Variants in ULK4 observed in about 807,000 individuals in gnomAD.
ULK4 encodes inactive serine/threonine-protein kinase ULK4.
A neutral mutation model predicts 160.6 loss-of-function variants in ULK4; 133 were observed. The observed-to-expected ratio is 0.83, with a 90% CI of 0.72 to 0.96. The LOEUF is 0.96. ULK4 is among the 40% of genes least tolerant of loss of function. The probability of loss-of-function intolerance (pLI) is 0.00; values close to 1 mark genes in which losing one functional copy is unlikely to be tolerated. For missense variants in ULK4, 1,580 were observed against 1,499.5 expected (o/e 1.05, Z -0.89); for synonymous variants, 534 against 539.8 (o/e 0.99, Z 0.15).
intron 32 of ULK4, among the ~76,000 whole-genome samples, chr3:41,472,947 G>A (rs2084030484): frequency 6.6e-6 from 1 of 152,032 alleles, no homozygotes; most frequent in Non-Finnish European, 1.5e-5. Context: ...ATTTATCTCT[G>A]GCATGCAAGG....
intron 27 of ULK4, among the ~76,000 whole-genome samples, chr3:41,686,383 G>T (rs1342858368): frequency 6.6e-6 from 1 of 152,212 alleles, no homozygotes; most frequent in African/African-American, 2.4e-5. Context: ...TATTGTCATT[G>T]CTGTTGCCTT....
chr3:41,829,894 C>A (rs1263749522), intron 18 of ULK4, among the ~76,000 whole-genome samples: 1 of 150,222 alleles, frequency 6.7e-6, no homozygotes, highest in African/African-American at 2.5e-5. Flanking sequence ...TTGGAACCAA[C>A]CCAGATGTCC....
rs1198894983 is a variant in ULK4 at position 41,779,857 on chromosome 3, G to A, written c.2193+9804C>T. Among the ~76,000 whole-genome samples the A allele has an allele frequency of 3.3e-4, 28 of 85,798 alleles. 1 individual carries two copies. Among genetic ancestry groups the A allele is most frequent in the African/African-American group, 1.3e-3 (27 of 20,080 alleles). The allele number at this position is 85,798 out of a possible 152,430, so 56.3% of individuals were successfully genotyped here. A position where few individuals can be genotyped will look rare whatever the true frequency, so the allele number is the denominator to read the frequency against. ...TGGTGTGGTCGGGGGAGGGGGGAGGGATAGCATTGGGAGATATACCTAATG... is the reference window on the plus strand; with the variant it reads ...TGGTGTGGTCGGGGGAGGGGGGAGGAATAGCATTGGGAGATATACCTAATG... On this transcript the variant is annotated intron_variant, in intron 21 of 36. Transcript: ENST00000301831.
intron 19 of ULK4, among the ~76,000 whole-genome samples, chr3:41,813,363 A>G (rs1411873867): frequency 1.3e-5 from 2 of 152,162 alleles, no homozygotes; most frequent in African/African-American, 4.8e-5. Context: ...TATTATTCAT[A>G]TTTTCTTAAT....
chr3:41,685,415 C>A (rs914467648), intron 27 of ULK4, among the ~76,000 whole-genome samples: 3 of 152,208 alleles, frequency 2.0e-5, no homozygotes. Flanking sequence ...CATACCACTA[C>A]CTCACTGATG....
chr3:41,915,024 T>C (rs1209574939), intron 8 of ULK4, among the ~76,000 whole-genome samples: 5 of 152,162 alleles, frequency 3.3e-5, no homozygotes, highest in Admixed American at 1.3e-4. Flanking sequence ...TGGAAAAATA[T>C]GCATAATGTA....
intron 35 of ULK4, among the ~76,000 whole-genome samples, chr3:41,339,926 C>T (rs148343347): frequency 7.1e-4 from 108 of 152,190 alleles, no homozygotes; most frequent in African/African-American, 2.2e-3. Context: ...TTTGTAGAGG[C>T]GCTTGTTACA....
intron 5 of ULK4, among the ~76,000 whole-genome samples, chr3:41,926,635 CA>C (rs1410205904): frequency 6.7e-6 from 1 of 149,832 alleles, no homozygotes; most frequent in Admixed American, 6.6e-5. Flanking sequence ...CGAGAATAAC[CA>C]GTTTAGAGAA....
intron 30 of ULK4, among the ~76,000 whole-genome samples, chr3:41,656,805 A>G (rs934813668): frequency 1.1e-4 from 17 of 152,198 alleles, no homozygotes; most frequent in African/African-American, 3.4e-4. Context: ...CAATTCTTAG[A>G]TACAGAACAT....
At chr3:41,492,991 AC>A (rs1287472476) in intron 32 of ULK4, among the ~76,000 whole-genome samples, 41 of 139,220 alleles carry the variant, frequency 2.9e-4, no homozygotes, top group African/African-American at 1.0e-3. Context: ...AGACTTTAAC[AC>A]CCCACTGTCA....
chr3:41,608,563 C>T (rs545697311), intron 31 of ULK4, among the ~76,000 whole-genome samples: 67 of 152,310 alleles, frequency 4.4e-4, no homozygotes, highest in African/African-American at 1.5e-3. Flanking sequence ...CATTTACAAT[C>T]AGTCATTTTA....
chr3:41,574,528 C>CTTTTTTTTTTTTTTTTTTT (rs1559406622), intron 31 of ULK4, among the ~76,000 whole-genome samples: 1 of 106,286 alleles, frequency 9.4e-6, no homozygotes, highest in Non-Finnish European at 1.9e-5. Context: ...CTACCAGAGT[C>CTTTTTTTTTTTTTTTTTTT]CTCTTTTTTT....
chr3:41,479,322 T>A (rs1312634973), intron 32 of ULK4, among the ~76,000 whole-genome samples: 1 of 152,232 alleles, frequency 6.6e-6, no homozygotes, highest in Non-Finnish European at 1.5e-5. Flanking sequence ...GCATTTATAA[T>A]GTAAATTTTA....
intron 32 of ULK4, among the ~76,000 whole-genome samples, chr3:41,497,661 A>G (rs1220746808): frequency 3.3e-5 from 5 of 152,202 alleles, no homozygotes; most frequent in Admixed American, 3.3e-4. Flanking sequence ...TATTGATGAT[A>G]TAAGGGTCAT....
intron 9 of ULK4, 95 bp downstream of exon 9, chr3:41,912,712 G>C: frequency 9.1e-7 from 1 of 1,100,170 alleles, no homozygotes; most frequent in Non-Finnish European, 1.3e-6. Context: ...TACGAAAGCA[G>C]AGAAATTCCA....
chr3:41,249,564 T>C lies in ULK4; in HGVS notation c.3689A>G (p.Asn1230Ser), dbSNP rs554244862. The C allele has an allele frequency of 1.4e-5, 22 of 1,613,830 alleles. No homozygotes were observed. The East Asian group carries it at 2.0e-4, about 15-fold the overall frequency. ...CTTGAGGCTCTCCAAGTGCTTCTCA[T>C]TGGAGGTGATCTGCAAGGGCAGGAG... The part of the protein sequence containing the change: ...LRILRRMITS[N>S]EKHLESLKNA... The change falls in exon 36 of 37, where the codon AAT becomes AGT. Residue 1230 changes from asparagine (N) to serine (S), a missense_variant. Asn to Ser is a conservative substitution (Grantham distance 46). Transcript: ENST00000301831.
chr3:41,728,310 T>G (rs1278477033), intron 22 of ULK4, among the ~76,000 whole-genome samples: 1 of 152,180 alleles, frequency 6.6e-6, no homozygotes, highest in Non-Finnish European at 1.5e-5. Context: ...GGCAGCTGCA[T>G]CTGGCAAGGA....
chr3:41,561,808 C>T (rs950258260), intron 32 of ULK4, among the ~76,000 whole-genome samples: 3 of 152,022 alleles, frequency 2.0e-5, no homozygotes, highest in Non-Finnish European at 2.9e-5. Context: ...TTTGAAAAAA[C>T]CAGCTCCTGG....
Position 41,754,451 on chromosome 3 carries a change from G to A in ULK4, c.2231C>T (p.Pro744Leu). 2 of 1,613,438 alleles carry A rather than the reference G, an allele frequency of 1.2e-6. No homozygotes were observed. Among genetic ancestry groups the A allele is most frequent in the Non-Finnish European group, 1.7e-6 (2 of 1,179,702 alleles). The change falls in exon 22 of 37, where the codon CCC (proline) becomes CTC (leucine). Residue 744 changes from proline to leucine, a missense_variant. By Grantham distance (98) the Pro-to-Leu change is moderately conservative (BLOSUM62 -3). Transcript: ENST00000301831. The part of the protein sequence containing the change: ...VSTIIRLLDS[P>L]STCIRAKAFL... ...GGCTTTTGCTCTAATGCATGTTGAG[G>A]GGCTGTCAAGTAAACGGATAATTGT... is the stretch of plus-strand genomic sequence containing the variant.
Sources: gnomAD v4.1 joint callset for allele counts (sites outside exome capture counted in the v4.1 genomes callset) on GRCh38, gnomAD v4.1.1 for gene constraint, MANE v1.5 for transcripts, NCBI Gene and HGNC (gene_info 2026-07-23, HGNC 2026-07-21) for gene names.